Variants in RASSF3 observed in about 807,000 individuals in gnomAD.
RASSF3 encodes ras association domain-containing protein 3.
Under a neutral mutation model 19.9 loss-of-function variants are expected in RASSF3, and 19 were observed. The observed-to-expected ratio is 0.96, with a 90% CI of 0.67 to 1.40. The LOEUF is 1.40. RASSF3 is among the 40% of genes most tolerant of loss of function. The probability of loss-of-function intolerance (pLI) is 0.00; values close to 1 mark genes in which losing one functional copy is unlikely to be tolerated. For missense variants in RASSF3, 306 were observed against 289.8 expected, an observed-to-expected ratio of 1.06 and a Z score of -0.41; for synonymous variants, 110 against 104.2, an observed-to-expected ratio of 1.06 and a Z score of -0.34.
intron 2 of RASSF3, among the ~76,000 whole-genome samples, chr12:64,685,479 AAGGG>A (rs1873313206): frequency 1.3e-5 from 2 of 152,112 alleles, no homozygotes; most frequent in Non-Finnish European, 2.9e-5. Context: ...TCCTTGGCTC[AAGGG>A]ATCTGCCCAG....
In RASSF3 at chr12:64,681,799, G is replaced by A. The variant is rs372964275; in HGVS notation, c.112-2988G>A. The stretch of plus-strand genomic sequence containing the variant: ...AGACTAAGGTGGGAGGACTGCTTGA[G>A]CCCAGGAGTTCGAGAGCAGCCTGGG... On this transcript the variant is annotated intron_variant, in intron 1 of 4. Transcript: ENST00000542104. Among the ~76,000 whole-genome samples the A allele has an allele frequency of 1.1e-4, 16 of 152,234 alleles. No individual in the cohort carries two copies. The East Asian group carries it at 2.3e-3, about 22-fold the overall frequency.
At chr12:64,657,558 GTCT>G (rs1406252009) in intron 1 of RASSF3, among the ~76,000 whole-genome samples, 1 of 152,204 alleles carries the variant, frequency 6.6e-6, no homozygotes, top group Non-Finnish European at 1.5e-5. Flanking sequence ...CTTTTCAGTG[GTCT>G]TGCCTCTGTG....
At chr12:64,656,526 G>A (rs934516673) in intron 1 of RASSF3, among the ~76,000 whole-genome samples, 2 of 152,230 alleles carry the variant, frequency 1.3e-5, no homozygotes, top group African/African-American at 4.8e-5. Context: ...ACCTTTTTCT[G>A]TTCTCCAGAT....
chr12:64,535,578 C>T (rs1044485713), intron 1 of RASSF3, among the ~76,000 whole-genome samples: 4 of 152,134 alleles, frequency 2.6e-5, no homozygotes, highest in African/African-American at 9.7e-5. Context: ...GTTGCCCAAG[C>T]TGGTCTCGAA....
intron 1 of RASSF3, among the ~76,000 whole-genome samples, chr12:64,534,183 C>A (rs1251145648): frequency 6.6e-6 from 1 of 152,112 alleles, no homozygotes; most frequent in Non-Finnish European, 1.5e-5. Context: ...ATTGCTTGAG[C>A]CCAGGAGTTC....
intron 1 of RASSF3, among the ~76,000 whole-genome samples, chr12:64,617,850 C>A (rs1434629209): frequency 6.6e-6 from 1 of 152,210 alleles, no homozygotes; most frequent in African/African-American, 2.4e-5. Context: ...AGCTACCGTG[C>A]CCGGCCCTAT....
At chr12:64,563,433 G>C (rs1019635365) in intron 2 of RASSF3, among the ~76,000 whole-genome samples, 1 of 152,032 alleles carries the variant, frequency 6.6e-6, no homozygotes, top group African/African-American at 2.4e-5. Flanking sequence ...GCTTCCCAAA[G>C]TGCTGGGATT....
rs373517271 is a variant in RASSF3, at chr12:64,519,361, C to T, written c.169+12032C>T. Among the ~76,000 whole-genome samples, 612 of 152,180 alleles carry T rather than the reference C, an allele frequency of 4.0e-3. 3 individuals carry two copies. Among genetic ancestry groups the T allele is most frequent in the African/African-American group, 0.014 (584 of 41,508 alleles). On this transcript the variant is annotated intron_variant, in intron 1 of 5. Coordinates refer to the RASSF3 transcript ENST00000637125. ...AGTGGTGGTTGCAGTGAGCCAAGAT[C>T]GTGCCACTGCACTCCAGCCTGGGTG...
intron 1 of RASSF3, among the ~76,000 whole-genome samples, chr12:64,653,530 A>C (rs1872039560): frequency 6.6e-6 from 1 of 151,900 alleles, no homozygotes; most frequent in African/African-American, 2.4e-5. Context: ...ACTTCAACAT[A>C]TGATTTTTGG....
intron 1 of RASSF3, among the ~76,000 whole-genome samples, chr12:64,514,361 A>T (rs1235827207): frequency 6.8e-6 from 1 of 146,612 alleles, no homozygotes; most frequent in Non-Finnish European, 1.5e-5. Flanking sequence ...TAATTTATGT[A>T]TTTTTAGTAG....
At chr12:64,636,794 A>G (rs1440614121) in intron 1 of RASSF3, among the ~76,000 whole-genome samples, 1 of 147,270 alleles carries the variant, frequency 6.8e-6, no homozygotes, top group Non-Finnish European at 1.5e-5. Context: ...TGAACCTGGG[A>G]GGTGGAGGTT....
At chr12:64,615,862 A>G (rs1471611841) in intron 1 of RASSF3, among the ~76,000 whole-genome samples, 1 of 151,894 alleles carries the variant, frequency 6.6e-6, no homozygotes, top group Admixed American at 6.6e-5. Context: ...TTTAGTAGAG[A>G]CGGGCTTTCA....
At chr12:64,562,445 A>T (rs985854073) in intron 2 of RASSF3, among the ~76,000 whole-genome samples, 2 of 152,104 alleles carry the variant, frequency 1.3e-5, no homozygotes, top group African/African-American at 2.4e-5. Flanking sequence ...TAGTATCTTC[A>T]TATGAGTGAA....
intron 1 of RASSF3, among the ~76,000 whole-genome samples, chr12:64,681,062 G>A (rs1160068801): frequency 2.0e-5 from 3 of 152,148 alleles, no homozygotes; most frequent in Non-Finnish European, 2.9e-5. Context: ...CTGCCTGTGC[G>A]AAGGGGCCTA....
chr12:64,633,750 A>T (rs913536284), intron 1 of RASSF3, among the ~76,000 whole-genome samples: 1 of 152,152 alleles, frequency 6.6e-6, no homozygotes, highest in Non-Finnish European at 1.5e-5. Context: ...ATAGGCAGAG[A>T]TTAGAAGAGT....
chr12:64,657,362 T>C (rs536788555), intron 1 of RASSF3, among the ~76,000 whole-genome samples: 1 of 152,336 alleles, frequency 6.6e-6, no homozygotes, highest in Non-Finnish European at 1.5e-5. Context: ...GTAGTGATGG[T>C]TCCACAATAT....
chr12:64,634,066 A>G (rs1220208301), intron 1 of RASSF3, among the ~76,000 whole-genome samples: 4 of 152,168 alleles, frequency 2.6e-5, no homozygotes, highest in Non-Finnish European at 5.9e-5. Context: ...CCTGGGAGGC[A>G]GAGTTTGCAG....
intron 1 of RASSF3, among the ~76,000 whole-genome samples, chr12:64,677,869 T>G (rs1872965203): frequency 6.6e-6 from 1 of 152,240 alleles, no homozygotes; most frequent in African/African-American, 2.4e-5. Flanking sequence ...TAGGAGCATC[T>G]AACTTCACAT....
chr12:64,654,975 G>A (rs1283350031), intron 1 of RASSF3: 1 of 152,180 alleles, frequency 6.6e-6, no homozygotes, highest in African/African-American at 2.4e-5. Context: ...TTTCTCCTTT[G>A]TTCCTTGCAT....
Sources: gnomAD v4.1 joint callset for allele counts (sites outside exome capture counted in the v4.1 genomes callset) on GRCh38, gnomAD v4.1.1 for gene constraint, MANE v1.5 for transcripts, NCBI Gene and HGNC (gene_info 2026-07-23, HGNC 2026-07-21) for gene names.